RAB11FIP4: variants seen among roughly 807,000 people sequenced by gnomAD.
The protein encoded by RAB11FIP4 is RAB11 family interacting protein 4.
RAB11FIP4 carries 23 observed loss-of-function variants against 74.3 expected under a neutral mutation model. That is an observed-to-expected ratio of 0.31 (90% confidence interval 0.22 to 0.44). The LOEUF is 0.44. RAB11FIP4 is among the 20% of genes least tolerant of loss of function. RAB11FIP4 has a pLI of 1.00. For missense variants in RAB11FIP4, 630 were observed against 863.9 expected, an observed-to-expected ratio of 0.73 and a Z score of 3.39; for synonymous variants, 360 against 359.9, an observed-to-expected ratio of 1.00 and a Z score of 0.00.
At chr17:31,518,520 T>G (rs1429555997) in intron 4 of RAB11FIP4, 2 of 152,436 alleles carry the variant, frequency 1.3e-5, no homozygotes, top group Non-Finnish European at 2.9e-5. Context: ...TGGGCTCTAG[T>G]GCACTATGCC....
At chr17:31,437,186 G>T (rs555001732) in intron 3 of RAB11FIP4, among the ~76,000 whole-genome samples, 3 of 152,246 alleles carry the variant, frequency 2.0e-5, no homozygotes, top group Non-Finnish European at 2.9e-5. Context: ...CATTATGCTC[G>T]CTGGGGCTGC....
At chr17:31,475,713 G>A (rs960994731) in intron 3 of RAB11FIP4, among the ~76,000 whole-genome samples, 1 of 152,064 alleles carries the variant, frequency 6.6e-6, no homozygotes, top group Admixed American at 6.6e-5. Flanking sequence ...AAGGCGACAA[G>A]CGGCCTTCTT....
At chr17:31,503,162 A>G (rs1451803125) in intron 3 of RAB11FIP4, among the ~76,000 whole-genome samples, 1 of 152,032 alleles carries the variant, frequency 6.6e-6, no homozygotes, top group East Asian at 1.9e-4. Flanking sequence ...CCTCCCGAGT[A>G]GCTGGGACTA....
chr17:31,495,217 G>A lies in RAB11FIP4; in HGVS notation c.337-22434G>A, dbSNP rs758622364. Among the ~76,000 whole-genome samples the A allele has an allele frequency of 9.2e-5, 14 of 152,292 alleles. No individual in the cohort carries two copies. In the Middle Eastern group the frequency reaches 0.01, roughly 111 times the overall value. ...ACAAAAAGGTGCAGGCTGTGCCACC[G>A]CCCAGCCACACTGGGTGACTGCCCT... On this transcript the variant is annotated intron_variant, in intron 3 of 14. Transcript: ENST00000621161.
chr17:31,414,182 T>C (rs1214204420), intron 1 of RAB11FIP4, among the ~76,000 whole-genome samples: 1 of 152,226 alleles, frequency 6.6e-6, no homozygotes, highest in African/African-American at 2.4e-5. Context: ...AGCTCAGCAA[T>C]GTCTGCCTCC....
chr17:31,525,154 G>A lies in RAB11FIP4; in HGVS notation c.1198G>A (p.Glu400Lys). Residue 400 changes from glutamate to lysine, a missense_variant, in exon 10 of 15, where the codon GAG (glutamate) becomes AAG (lysine). Physicochemically the swap from Glu to Lys is moderately conservative, Grantham distance 56. Coordinates refer to ENST00000621161, the MANE Select transcript of RAB11FIP4 (RefSeq NM_032932.6). ...CACGGCCGAGCAGGCTCTGGAGGAG[G>A]AGGCGCGGCGCCACCGCGAGGCCTA... is the stretch of plus-strand genomic sequence containing the variant. ...ETTAEQALEE[E>K]ARRHREAYGK... 6.5e-7 allele frequency: 1 copy of A among 1,549,438 alleles called. No individual in the cohort carries two copies. Among genetic ancestry groups the A allele is most frequent in the South Asian group, 1.2e-5 (1 of 83,974 alleles).
chr17:31,522,375 C>G lies in RAB11FIP4; in HGVS notation c.909C>G (p.Ile303Met). 6.2e-7 allele frequency: 1 copy of G among 1,613,988 alleles called. No homozygotes were observed. The highest frequency in any genetic ancestry group is 8.5e-7 in the Non-Finnish European group (1 of 1,179,942). Residue 303 changes from isoleucine to methionine, a missense_variant, in exon 7 of 15, where the codon ATC becomes ATG. By Grantham distance (10) the Ile-to-Met change is conservative. Coordinates refer to ENST00000621161, the MANE Select transcript of RAB11FIP4 (RefSeq NM_032932.6). ...CTCTCTCTAGCCCCAACCGAAAGAT[C>G]TCCAGCACGGCCTTTGGACGGTAAG... ...NLKANSPNRK[I>M]SSTAFGRQLM...
chr17:31,426,084 G>T (rs140669204), intron 1 of RAB11FIP4, among the ~76,000 whole-genome samples: 1 of 152,284 alleles, frequency 6.6e-6, no homozygotes, highest in East Asian at 1.9e-4. Flanking sequence ...GTGATCCAAG[G>T]CGAGGGGTCC....
At chr17:31,516,403 C>T (rs1316703682) in intron 3 of RAB11FIP4, among the ~76,000 whole-genome samples, 3 of 152,030 alleles carry the variant, frequency 2.0e-5, no homozygotes, top group South Asian at 2.1e-4. Flanking sequence ...AGGTTCTTAG[C>T]GTCTTGAACA....
intron 1 of RAB11FIP4, among the ~76,000 whole-genome samples, chr17:31,425,948 C>G (rs2071245140): frequency 6.6e-6 from 1 of 152,192 alleles, no homozygotes; most frequent in Non-Finnish European, 1.5e-5. Flanking sequence ...CTTGAGCAAA[C>G]CCCTCCCCCC....
intron 1 of RAB11FIP4, among the ~76,000 whole-genome samples, chr17:31,426,876 G>A (rs556626018): frequency 7.2e-5 from 11 of 151,800 alleles, no homozygotes; most frequent in South Asian, 2.1e-4. Flanking sequence ...CTGGGATTAC[G>A]GGCGCCAGGC....
intron 9 of RAB11FIP4, chr17:31,524,226 C>T (rs1196699623): frequency 5.8e-6 from 3 of 516,686 alleles, no homozygotes; most frequent in Admixed American, 3.2e-5. Context: ...CCAATGGATT[C>T]TACCCCCTGA....
At chr17:31,488,321 A>T in intron 3 of RAB11FIP4, 1 of 1,016,182 alleles carries the variant, frequency 9.8e-7, no homozygotes, top group East Asian at 8.5e-5. Flanking sequence ...GGCGGCGCGC[A>T]CCTGGCTCGG....
intron 3 of RAB11FIP4, among the ~76,000 whole-genome samples, chr17:31,509,860 C>T (rs1597968458): frequency 6.6e-6 from 1 of 152,116 alleles, no homozygotes; most frequent in South Asian, 2.1e-4. Flanking sequence ...GAAGGCAAGG[C>T]CGAGGCACTG....
At chr17:31,529,206 T>G (rs1416981252) in intron 13 of RAB11FIP4, among the ~76,000 whole-genome samples, 1 of 151,720 alleles carries the variant, frequency 6.6e-6, no homozygotes, top group Non-Finnish European at 1.5e-5. Flanking sequence ...CAGGTGATCC[T>G]TCTGCCTCAG....
intron 1 of RAB11FIP4, among the ~76,000 whole-genome samples, chr17:31,397,832 A>G (rs2070944830): frequency 1.3e-5 from 2 of 150,752 alleles, no homozygotes; most frequent in South Asian, 2.1e-4. Flanking sequence ...CAGATGCAGA[A>G]AGTCTGCTGG....
chr17:31,462,855 C>T (rs540635556), intron 3 of RAB11FIP4, among the ~76,000 whole-genome samples: 1 of 152,212 alleles, frequency 6.6e-6, no homozygotes, highest in South Asian at 2.1e-4. Context: ...AGACTGGTCT[C>T]GAACTCCTGA....
At chr17:31,518,611 T>A (rs2072605019) in intron 4 of RAB11FIP4, 1 of 152,026 alleles carries the variant, frequency 6.6e-6, no homozygotes, top group Admixed American at 6.6e-5. Context: ...TAAGGAGGGA[T>A]GAACTGGCCC....
At chr17:31,522,909 G>A (rs2072695416) in intron 7 of RAB11FIP4, 1 of 179,030 alleles carries the variant, frequency 5.6e-6, no homozygotes, top group Non-Finnish European at 1.2e-5. Flanking sequence ...TCTTGGCAGA[G>A]ACCCTGGCTG....
Sources: allele counts gnomAD v4.1 joint callset (sites outside exome capture counted in the v4.1 genomes callset), GRCh38; gene constraint gnomAD v4.1.1; transcripts MANE v1.5; gene names NCBI Gene and HGNC (gene_info 2026-07-23, HGNC 2026-07-21).